The following ARHGAP45 variants were observed in gnomAD, a reference collection of about 807,000 sequenced individuals.
The protein encoded by ARHGAP45 is Rho GTPase activating protein 45, also known as rho GTPase-activating protein 45.
Under a neutral mutation model 116.1 loss-of-function variants are expected in ARHGAP45, and 56 were observed. That is an observed-to-expected ratio of 0.48 (90% CI 0.39 to 0.60). The LOEUF (loss-of-function observed/expected upper bound fraction) is 0.60, where lower values mean the gene tolerates loss of function less well. ARHGAP45 is among the 20% of genes least tolerant of loss of function. The probability of loss-of-function intolerance (pLI) is 0.00; values close to 1 mark genes in which losing one functional copy is unlikely to be tolerated. For synonymous variants in ARHGAP45, 866 were observed against 701.7 expected (o/e 1.23, Z -3.70); for missense variants, 1,622 against 1,601.0 (o/e 1.01, Z -0.22).
Position 1,071,114 on chromosome 19 carries a change from A to G in ARHGAP45, c.422-2035A>G, listed in dbSNP as rs1400956431. On this transcript the variant is annotated intron_variant, in intron 2 of 22. Coordinates refer to ENST00000313093, the MANE Select transcript of ARHGAP45 (RefSeq NM_012292.5). The surrounding 1 kb of genome is among the most constrained non-coding windows in gnomAD (Gnocchi z 4.6). ...CCCGTCCTCGACCCTCCCCACCTCG[A>G]AGCTCTGCGGTTAAGGAAGGACCCA... 1.7e-6 allele frequency: 2 copies of G among 1,149,158 alleles called. No individual in the cohort carries two copies. The highest frequency in any genetic ancestry group is 2.2e-6 in the Non-Finnish European group (2 of 892,352). 71.2% of individuals were successfully genotyped at this position (1,149,158 alleles called of 1,614,324 possible).
At chr19:1,077,249 T>C in intron 10 of ARHGAP45, 1 of 985,332 alleles carries the variant, frequency 1.0e-6, no homozygotes, top group Non-Finnish European at 1.2e-6. Flanking sequence ...GGTGTGCGTG[T>C]CTGCAGAGGC....
Position 1,079,781 on chromosome 19 carries a change from G to A in ARHGAP45, c.1453G>A (p.Val485Met). Residue 485 changes from valine (V) to methionine (M), a missense_variant, in exon 12 of 23, where the codon GTG becomes ATG. By Grantham distance (21) the Val-to-Met change is conservative. Coordinates refer to ENST00000313093, the MANE Select transcript of ARHGAP45 (RefSeq NM_012292.5). Reference sequence around the variant, plus strand: ...GAAGCAGGAGCTGGAGGATACCAAGGTGACGGCGCTGCGGCAGATCCAGGA... The same window carrying A: ...GAAGCAGGAGCTGGAGGATACCAAGATGACGGCGCTGCGGCAGATCCAGGA... ...TQKQELEDTK[V>M]TALRQIQEVI... 6.2e-7 allele frequency: 1 copy of A among 1,611,752 alleles called. No individual in the cohort carries two copies. The highest frequency in any genetic ancestry group is 1.3e-5 in the African/African-American group (1 of 75,042).
At position 1,071,386 on chromosome 19, in the gene ARHGAP45, T is replaced by C; in HGVS notation, c.422-1763T>C. On this transcript the variant is annotated intron_variant, in intron 2 of 22. Coordinates refer to ENST00000313093, the MANE Select transcript of ARHGAP45 (RefSeq NM_012292.5). This position sits in a 1 kb window ranked among gnomAD's most constrained non-coding sequence, Gnocchi z 4.6. ...GAGGGGACAGGTGCCGGGCGCTGGG[T>C]CCCGCCGCGTCCGGGAGCACGTGGC... 7.5e-6 allele frequency: 9 copies of C among 1,199,272 alleles called. No individual in the cohort carries two copies. The highest frequency in any genetic ancestry group is 1.6e-5 in the African/African-American group (1 of 61,660). 74.3% of individuals were successfully genotyped at this position (1,199,272 alleles called of 1,614,324 possible).
chr19:1,083,074 C>T lies in ARHGAP45; in HGVS notation c.2744+8C>T, dbSNP rs1309294085. ...GCTGCGTCACCTACGCAGGTGAGTC[C>T]CGGCATATGGAGTGGAGGGCGCGGG... On this transcript the variant is annotated splice_region_variant and intron_variant, in intron 20 of 22. Transcript: ENST00000313093. 1.0e-5 allele frequency: 16 copies of T among 1,554,310 alleles called. No individual in the cohort carries two copies. The East Asian group carries it at 3.6e-4, about 35-fold the overall frequency.
chr19:1,086,267 TCA>T lies in ARHGAP45; in HGVS notation c.*264_*265del, dbSNP rs1446213828. The T allele has an allele frequency of 3.8e-5, 18 of 475,154 alleles. No homozygotes were observed. The Admixed American group carries it at 6.3e-4, about 17-fold the overall frequency. 29.4% of individuals were successfully genotyped at this position (475,154 alleles called of 1,614,324 possible). On this transcript the variant is annotated 3_prime_UTR_variant, in exon 23 of 23. Transcript: ENST00000313093. ...TGGGGAACACTGCTGTCGTGTGAAGTCACAGTGGCCTTGTTGGTGCCCACAGG... is the reference window on the plus strand; with the variant it reads ...TGGGGAACACTGCTGTCGTGTGAAGTCAGTGGCCTTGTTGGTGCCCACAGG...
chr19:1,077,066 C>G, intron 10 of ARHGAP45: 2 of 985,192 alleles, frequency 2.0e-6, no homozygotes, highest in Non-Finnish European at 2.4e-6. Context: ...TGTTTGTGTG[C>G]GAATCTGATG....
At chr19:1,078,478 C>T (rs1025907749) in intron 11 of ARHGAP45, among the ~76,000 whole-genome samples, 11 of 146,624 alleles carry the variant, frequency 7.5e-5, no homozygotes, top group Non-Finnish European at 1.2e-4. Context: ...CATTCTGTTG[C>T]CCAGGCTGGA....
rs2043194009 is a variant in ARHGAP45 at position 1,074,257 on chromosome 19, C to A, written c.928+16C>A. On this transcript the variant is annotated intron_variant, in intron 7 of 22. Transcript: ENST00000313093. ...ACGACGCTGGGTGAGAGCTGGTGTC[C>A]CAGCAGGGTGGGTCTGGAGGGAGGG... is the stretch of plus-strand genomic sequence containing the variant. The A allele has an allele frequency of 6.2e-7, 1 of 1,612,206 alleles. No homozygotes were observed. Among genetic ancestry groups the A allele is most frequent in the Non-Finnish European group, 8.5e-7 (1 of 1,179,524 alleles).
chr19:1,075,142 C>T (rs967730555), intron 10 of ARHGAP45, among the ~76,000 whole-genome samples: 1 of 151,986 alleles, frequency 6.6e-6, no homozygotes, highest in Non-Finnish European at 1.5e-5. Flanking sequence ...TGGGGAGAAG[C>T]CGTGCCTCCC....
chr19:1,084,836 C>A lies in ARHGAP45; in HGVS notation c.3064+490C>A, dbSNP rs111232786. Among the ~76,000 whole-genome samples, 816 of 152,192 alleles carry A rather than the reference C, an allele frequency of 5.4e-3. 7 individuals carry two copies. Among genetic ancestry groups the A allele is most frequent in the African/African-American group, 0.019 (776 of 41,528 alleles). On this transcript the variant is annotated intron_variant, in intron 22 of 22. Transcript: ENST00000313093. The stretch of plus-strand genomic sequence containing the variant: ...CACGGTGGCTCACGCCTGTAATCCT[C>A]GCACTTTGGGAGGACAAGGCAGATC...
intron 11 of ARHGAP45, 30 bp from the exon 12 acceptor site, chr19:1,079,673 C>T (rs2043368753): frequency 3.7e-5 from 60 of 1,610,882 alleles, no homozygotes; most frequent in South Asian, 6.6e-5. Flanking sequence ...GGGCTGAGGC[C>T]TCTCTCTGTG....
Position 1,067,214 on chromosome 19 carries a change from C to T in ARHGAP45, c.-192C>T, listed in dbSNP as rs2043051231. 2.2e-6 allele frequency: 3 copies of T among 1,357,072 alleles called. No homozygotes were observed. The highest frequency in any genetic ancestry group is 3.1e-5 in the African/African-American group (2 of 64,292). 84.1% of individuals were successfully genotyped at this position (1,357,072 alleles called of 1,614,324 possible). ...GGCCGGGAAGGGTCGGGGGCGAGGC[C>T]GCGTCGCCGCCTCCCCGAAGCCTTT... is the stretch of plus-strand genomic sequence containing the variant. On this transcript the variant is annotated 5_prime_UTR_variant, in exon 1 of 23. Coordinates refer to ENST00000313093, the MANE Select transcript of ARHGAP45 (RefSeq NM_012292.5).
chr19:1,084,359 C>A lies in ARHGAP45; in HGVS notation c.3064+13C>A, dbSNP rs2043537850. On this transcript the variant is annotated intron_variant, in intron 22 of 22. Coordinates refer to ENST00000313093, the MANE Select transcript of ARHGAP45 (RefSeq NM_012292.5). Reference sequence around the variant, plus strand: ...GACGGGTGCAGAGGTGAGTGTGTGGCTGCCCGAACGGCCCCAAGGGAGGCT... The same window carrying A: ...GACGGGTGCAGAGGTGAGTGTGTGGATGCCCGAACGGCCCCAAGGGAGGCT... The A allele has an allele frequency of 1.2e-5, 19 of 1,596,368 alleles. No homozygotes were observed. The highest frequency in any genetic ancestry group is 1.2e-5 in the Non-Finnish European group (14 of 1,171,464).
In ARHGAP45 at chr19:1,083,217, G is replaced by A. The variant is rs779213412; in HGVS notation, c.2819G>A (p.Arg940Gln). 2 of 1,609,946 alleles carry A rather than the reference G, an allele frequency of 1.2e-6. No individual in the cohort carries two copies. The highest frequency in any genetic ancestry group is 2.2e-5 in the East Asian group (1 of 44,778). ...ATCGTGTTCGGGCCCACGCTGCTTC[G>A]GCCACGGCCCACCGAGGCCACCGTG... The part of the protein sequence containing the change: ...LGIVFGPTLL[R>Q]PRPTEATVSL... Residue 940 changes from arginine (R) to glutamine (Q), a missense_variant, in exon 21 of 23, where the codon CGG (arginine) becomes CAG (glutamine). Coordinates refer to ENST00000313093, the MANE Select transcript of ARHGAP45 (RefSeq NM_012292.5).
At chr19:1,081,485 G>A (rs1723945748) in intron 17 of ARHGAP45, 65 bp from the exon 18 acceptor site, 52 of 1,406,730 alleles carry the variant, frequency 3.7e-5, no homozygotes, top group Non-Finnish European at 4.7e-5. Flanking sequence ...GTGGGGTGGA[G>A]CCGCTGGGGG....
rs58697248 is a variant in ARHGAP45, at chr19:1,074,947, C to A, written c.1185+68C>A. ...CTCGGCGCAGGCGCAGTCCCAGCCC[C>A]AGCCCCATAGCGAGGGCCCTGCGGC... On this transcript the variant is annotated intron_variant, in intron 10 of 22. Transcript: ENST00000313093. The A allele has an allele frequency of 5.1e-3, 6,941 of 1,363,112 alleles. 322 individuals are homozygous for A. In the African/African-American group the frequency reaches 0.097, roughly 19 times the overall value. The allele number at this position is 1,363,112 out of a possible 1,614,324, so 84.4% of individuals were successfully genotyped here.
intron 22 of ARHGAP45, among the ~76,000 whole-genome samples, chr19:1,085,100 C>A (rs1019622311): frequency 6.6e-6 from 1 of 152,104 alleles, no homozygotes; most frequent in African/African-American, 2.4e-5. Flanking sequence ...ATACCTGAGA[C>A]TGGGCAATTT....
rs777917786 is a variant in ARHGAP45, at chr19:1,074,401, G to A, written c.987G>A (p.Met329Ile). The change falls in exon 8 of 23, where the codon ATG (methionine) becomes ATA (isoleucine). Residue 329 changes from methionine to isoleucine, a missense_variant. Physicochemically the swap from Met to Ile is conservative, Grantham distance 10. Transcript: ENST00000313093. ...KIAHNCRQSV[M>I]QEPHMPLLSI... ...CTCACAACTGCAGACAGAGCGTCAT[G>A]CAGGAGGTGGGGGCCCCGCGGGCAC... is the stretch of plus-strand genomic sequence containing the variant. The A allele has an allele frequency of 6.4e-7, 1 of 1,566,406 alleles. No individual in the cohort carries two copies. The highest frequency in any genetic ancestry group is 1.9e-5 in the Admixed American group (1 of 53,030).
intron 13 of ARHGAP45, 45 bp downstream of exon 13, chr19:1,080,163 C>T (rs754770570): frequency 1.9e-6 from 3 of 1,610,050 alleles, no homozygotes; most frequent in East Asian, 2.2e-5. Flanking sequence ...AAGGCCCTGC[C>T]TGGGAGCCGG....
Sources: allele counts gnomAD v4.1 joint callset (sites outside exome capture counted in the v4.1 genomes callset), GRCh38; gene constraint gnomAD v4.1.1; non-coding constraint Gnocchi (gnomAD v3.1); transcripts MANE v1.5; gene names NCBI Gene and HGNC (gene_info 2026-07-23, HGNC 2026-07-21).